The following MYBPC1 variants were observed in gnomAD, a reference collection of about 807,000 sequenced individuals.
MYBPC1 encodes the protein myosin binding protein C1, also known as myosin-binding protein C, slow-type.
In MYBPC1, 52 loss-of-function variants were observed where a neutral mutation model predicts 147.1. The observed-to-expected ratio is 0.35, with a 90% confidence interval of 0.28 to 0.45. The LOEUF is 0.45. Among genes scored for constraint, MYBPC1 ranks in the 20% least tolerant of loss-of-function variants. The pLI is 1.00. For synonymous variants in MYBPC1, 477 were observed against 475.9 expected (o/e 1.00, Z -0.03); for missense variants, 1,228 against 1,440.3 (o/e 0.85, Z 2.39).
chr12:101,622,272 C>T (rs11110893), intron 3 of MYBPC1, among the ~76,000 whole-genome samples: 18,242 of 152,132 alleles, frequency 0.12, 1,251 homozygotes, highest in African/African-American at 0.16. Flanking sequence ...TACCTCCTAG[C>T]AATAGAACCT....
Position 101,646,864 on chromosome 12 carries a change from G to A in MYBPC1, c.1067G>A (p.Cys356Tyr). 1 of 1,614,174 alleles carries A rather than the reference G, an allele frequency of 6.2e-7. No individual in the cohort carries two copies. Among genetic ancestry groups the A allele is most frequent in the Non-Finnish European group, 8.5e-7 (1 of 1,180,012 alleles). ...EYYVTAGDEK[C>Y]STELFVREPP... The stretch of plus-strand genomic sequence containing the variant: ...TATGTGACAGCCGGTGATGAGAAAT[G>A]TTCCACTGAGCTCTTCGTAAGAGGT... Residue 356 changes from cysteine (C) to tyrosine (Y), a missense_variant, in exon 13 of 32, where the codon TGT becomes TAT. Around this residue, in one of 2 missense-constraint regions of MYBPC1, gnomAD observed 1,077 missense variants for 1,314.2 expected, o/e 0.82. Transcript: ENST00000361466.
intron 22 of MYBPC1, chr12:101,664,430 G>A (rs1897098443): frequency 6.6e-6 from 1 of 152,080 alleles, no homozygotes; most frequent in Non-Finnish European, 1.5e-5. Context: ...CACAAACAGT[G>A]GCCCAAGACT....
At chr12:101,695,485 T>C in the MYBPC1 span, among the ~76,000 whole-genome samples, 1 of 152,204 alleles carries the variant, frequency 6.6e-6, no homozygotes, top group South Asian at 2.1e-4. Flanking sequence ...ACTGTGGGTA[T>C]CTAAAACTGC....
At chr12:101,614,075 C>A (rs897249388) in intron 1 of MYBPC1, among the ~76,000 whole-genome samples, 2 of 152,160 alleles carry the variant, frequency 1.3e-5, no homozygotes, top group African/African-American at 4.8e-5. Context: ...TGTTTCACTT[C>A]ATCCTAACAG....
At chr12:101,620,989 A>G (rs1593719380) in intron 3 of MYBPC1, among the ~76,000 whole-genome samples, 1 of 152,194 alleles carries the variant, frequency 6.6e-6, no homozygotes, top group South Asian at 2.1e-4. Flanking sequence ...TTTCTTTTTC[A>G]TGAATGTGAC....
At chr12:101,679,234 A>T (rs1950776041) in intron 28 of MYBPC1, among the ~76,000 whole-genome samples, 1 of 152,000 alleles carries the variant, frequency 6.6e-6, no homozygotes, top group Non-Finnish European at 1.5e-5. Context: ...CTTGGAAATG[A>T]TGTTGGTACA....
At chr12:101,625,320 T>C (rs1265058555) in intron 3 of MYBPC1, among the ~76,000 whole-genome samples, 1 of 152,224 alleles carries the variant, frequency 6.6e-6, no homozygotes. Flanking sequence ...AGTCTTATCA[T>C]TAAGGTGTGT....
At chr12:101,598,528 T>C (rs550755305) in intron 1 of MYBPC1, among the ~76,000 whole-genome samples, 1 of 152,336 alleles carries the variant, frequency 6.6e-6, no homozygotes, top group East Asian at 1.9e-4. Flanking sequence ...AGCCTGATTC[T>C]TTAACATCCT....
intron 14 of MYBPC1, 46 bp downstream of exon 14, chr12:101,648,196 A>T (rs1893634769): frequency 6.9e-7 from 1 of 1,442,670 alleles, no homozygotes; most frequent in Non-Finnish European, 9.7e-7. Context: ...AGACAAAAAA[A>T]TTGGACCTTC....
chr12:101,601,125 C>T (rs1879742914), intron 1 of MYBPC1, among the ~76,000 whole-genome samples: 1 of 152,132 alleles, frequency 6.6e-6, no homozygotes, highest in Non-Finnish European at 1.5e-5. Flanking sequence ...AATTTGAGAG[C>T]ATACCAGTTA....
intron 11 of MYBPC1, among the ~76,000 whole-genome samples, chr12:101,644,103 C>T (rs1178380038): frequency 2.0e-5 from 3 of 152,150 alleles, no homozygotes; most frequent in African/African-American, 7.2e-5. Flanking sequence ...GTGGCATGAT[C>T]TCAGCTCACT....
rs1396417668 is a variant in MYBPC1, at chr12:101,670,342, C to T, written c.2546C>T (p.Pro849Leu). 2 of 1,614,048 alleles carry T rather than the reference C, an allele frequency of 1.2e-6. No individual in the cohort carries two copies. The highest frequency in any genetic ancestry group is 3.3e-5 in the Admixed American group (2 of 60,022). The part of the protein sequence containing the change: ...EIIEPPKIRI[P>L]RHLKQTYIRR... ...TCAGAACCTCCAAAGATTCGCATTCCAAGACACCTGAAGCAAACCTATATC... is the reference window on the plus strand; with the variant it reads ...TCAGAACCTCCAAAGATTCGCATTCTAAGACACCTGAAGCAAACCTATATC... Residue 849 changes from proline to leucine, a missense_variant, in exon 24 of 32, where the codon CCA becomes CTA. Physicochemically the swap from Pro to Leu is moderately conservative, Grantham distance 98. Around this residue, in one of 2 missense-constraint regions of MYBPC1, gnomAD observed 1,077 missense variants for 1,314.2 expected, o/e 0.82. Transcript: ENST00000361466.
At chr12:101,601,117 T>C (rs544003880) in intron 1 of MYBPC1, among the ~76,000 whole-genome samples, 1 of 152,322 alleles carries the variant, frequency 6.6e-6, no homozygotes, top group Admixed American at 6.5e-5. Context: ...TTTCCTAAAA[T>C]TTGAGAGCAT....
At position 101,680,507 on chromosome 12, in the gene MYBPC1, T is replaced by A. The variant is rs756723686; in HGVS notation, c.3411T>A (p.Ile1137=). ...KAVNDLGTVE[I]ECKLEVKVIY... Reference sequence around the variant, plus strand: ...TCAATGACCTTGGGACAGTGGAGATTGAATGCAAACTGGAGGTGAAAGGTA... The same window carrying A: ...TCAATGACCTTGGGACAGTGGAGATAGAATGCAAACTGGAGGTGAAAGGTA... The change falls in exon 29 of 32, where the codon ATT becomes ATA. Residue 1137 remains isoleucine (I), a synonymous_variant. Transcript: ENST00000361466. 4.3e-6 allele frequency: 7 copies of A among 1,614,102 alleles called. 1 individual carries two copies. In the South Asian group the frequency reaches 7.7e-5, roughly 18 times the overall value.
At chr12:101,642,277 A>T in intron 10 of MYBPC1, 142 bp from the exon 11 acceptor site, 1 of 844,398 alleles carries the variant, frequency 1.2e-6, no homozygotes, top group Non-Finnish European at 2.0e-6. Flanking sequence ...AGCAAGCAAG[A>T]CTTGACTTCT....
At chr12:101,633,390 T>C (rs11110899) in intron 8 of MYBPC1, among the ~76,000 whole-genome samples, 24,534 of 151,952 alleles carry the variant, frequency 0.16, 2,088 homozygotes, top group East Asian at 0.31. Flanking sequence ...AATTTTGTCT[T>C]AACGTTAGGA....
chr12:101,607,909 A>G (rs911850408), intron 1 of MYBPC1, among the ~76,000 whole-genome samples: 3 of 152,196 alleles, frequency 2.0e-5, no homozygotes, highest in Non-Finnish European at 4.4e-5. Context: ...ACCCTTGATC[A>G]TTGAAAATAG....
At chr12:101,687,707 T>C (rs1206550556), downstream of MYBPC1, among the ~76,000 whole-genome samples, 2 of 152,224 alleles carry the variant, frequency 1.3e-5, no homozygotes, top group Admixed American at 6.5e-5. Context: ...TGCTGGGTCT[T>C]AGCCATAGTG....
At chr12:101,677,854 C>T (rs912244449) in intron 27 of MYBPC1, among the ~76,000 whole-genome samples, 1 of 152,212 alleles carries the variant, frequency 6.6e-6, no homozygotes, top group Non-Finnish European at 1.5e-5. Context: ...ATTCAAAATA[C>T]TCAGAAAGAC....
Sources: allele counts gnomAD v4.1 joint callset (sites outside exome capture counted in the v4.1 genomes callset), GRCh38; gene constraint gnomAD v4.1.1; regional missense constraint gnomAD v4.1.1; transcripts MANE v1.5; gene names NCBI Gene and HGNC (gene_info 2026-07-23, HGNC 2026-07-21).